GLYR1: variants seen among roughly 807,000 people sequenced by gnomAD.
GLYR1 encodes the protein cytokine-like nuclear factor N-PAC.
Under a neutral mutation model 72.7 loss-of-function variants are expected in GLYR1, and 21 were observed. The ratio of observed to expected loss-of-function variants is 0.29; its 90% CI spans 0.20 to 0.42. GLYR1 has a LOEUF of 0.42. Among genes scored for constraint, GLYR1 ranks in the 10% least tolerant of loss-of-function variants. GLYR1 has a pLI of 1.00. For synonymous variants in GLYR1, 392 were observed against 270.2 expected, an observed-to-expected ratio of 1.45 and a Z score of -4.42; for missense variants, 594 against 712.1, an observed-to-expected ratio of 0.83 and a Z score of 1.89.
At chr16:4,843,016 T>A (rs1161622608) in intron 3 of GLYR1, among the ~76,000 whole-genome samples, 1 of 152,128 alleles carries the variant, frequency 6.6e-6, no homozygotes, top group East Asian at 1.9e-4. Context: ...GTGCACATCA[T>A]CTTATCTGAA....
chr16:4,815,962 T>C (rs1343224347), intron 10 of GLYR1, among the ~76,000 whole-genome samples: 8 of 152,048 alleles, frequency 5.3e-5, no homozygotes, highest in Admixed American at 5.2e-4. Context: ...TTCGTATTTT[T>C]AGTAGAGACG....
chr16:4,814,418 G>A (rs1363884213), intron 11 of GLYR1, 119 bp downstream of exon 11: 1 of 754,404 alleles, frequency 1.3e-6, no homozygotes, highest in Non-Finnish European at 2.4e-6. Context: ...GGCCCCTGAT[G>A]GGAAATTCAG....
chr16:4,833,172 T>C (rs1406107391), intron 3 of GLYR1: 2 of 327,508 alleles, frequency 6.1e-6, no homozygotes, highest in African/African-American at 2.1e-5. Context: ...GAAAGCACTG[T>C]GTTGCAGATT....
At chr16:4,810,981 T>C (rs1050316338) in intron 15 of GLYR1, among the ~76,000 whole-genome samples, 189 bp downstream of exon 15, 2 of 151,616 alleles carry the variant, frequency 1.3e-5, no homozygotes, top group Non-Finnish European at 2.9e-5. Flanking sequence ...GGTGGGCACC[T>C]ATAATCCCAA....
intron 15 of GLYR1, among the ~76,000 whole-genome samples, chr16:4,810,370 G>A (rs1333855830): frequency 6.6e-6 from 1 of 151,636 alleles, no homozygotes; most frequent in Non-Finnish European, 1.5e-5. Context: ...GTTGGGGCAC[G>A]CCTGTAATCC....
At position 4,813,883 on chromosome 16, in the gene GLYR1, G is replaced by A. The variant is rs779296212; in HGVS notation, c.1018-45C>T. On this transcript the variant is annotated intron_variant, in intron 11 of 15. Transcript: ENST00000321919. Reference sequence around the variant, plus strand: ...AAGCAATAGCCCAGGCTCCCGGGCAGATGCTCAGGAGCCCTACAGACCTCA... The same window carrying A: ...AAGCAATAGCCCAGGCTCCCGGGCAAATGCTCAGGAGCCCTACAGACCTCA... The A allele has an allele frequency of 3.4e-6, 5 of 1,463,362 alleles. No homozygotes were observed. In the African/African-American group the frequency reaches 5.6e-5, roughly 16 times the overall value. The allele number at this position is 1,463,362 out of a possible 1,614,324, so 90.6% of individuals were successfully genotyped here.
chr16:4,816,131 T>C (rs1416240278), intron 10 of GLYR1, among the ~76,000 whole-genome samples: 1 of 152,148 alleles, frequency 6.6e-6, no homozygotes, highest in Non-Finnish European at 1.5e-5. Context: ...GTTTCCTCTT[T>C]TGTGAGCCAT....
chr16:4,814,822 T>C (rs904866653), intron 10 of GLYR1, among the ~76,000 whole-genome samples, 175 bp from the exon 11 acceptor site: 3 of 152,198 alleles, frequency 2.0e-5, no homozygotes, highest in African/African-American at 7.2e-5. Context: ...ACGGGGCCTT[T>C]TACTGGCCAT....
At chr16:4,843,415 A>G (rs1048628233) in intron 3 of GLYR1, 5 of 1,153,972 alleles carry the variant, frequency 4.3e-6, no homozygotes, top group African/African-American at 1.6e-5. Flanking sequence ...TTGGCCTCCC[A>G]AAGTACTGGG....
At chr16:4,841,777 GC>G (rs2085573539) in intron 3 of GLYR1, among the ~76,000 whole-genome samples, 1 of 152,086 alleles carries the variant, frequency 6.6e-6, no homozygotes, top group African/African-American at 2.4e-5. Context: ...TGAAGTTTGG[GC>G]CAACCATATT....
At chr16:4,833,805 C>A (rs1029551587) in intron 3 of GLYR1, among the ~76,000 whole-genome samples, 1 of 152,210 alleles carries the variant, frequency 6.6e-6, no homozygotes, top group African/African-American at 2.4e-5. Context: ...CTAACCTGAA[C>A]AAATCTGCTG....
At chr16:4,827,204 C>T (rs1277637153) in intron 5 of GLYR1, among the ~76,000 whole-genome samples, 1 of 152,228 alleles carries the variant, frequency 6.6e-6, no homozygotes, top group Admixed American at 6.5e-5. Context: ...TGGGCTTTGC[C>T]CAGTTATCAG....
intron 10 of GLYR1, among the ~76,000 whole-genome samples, chr16:4,815,582 A>G (rs192955474): frequency 2.0e-5 from 3 of 152,216 alleles, no homozygotes; most frequent in Non-Finnish European, 2.9e-5. Flanking sequence ...AATAGAATAA[A>G]ACAGGTTCTA....
intron 3 of GLYR1, chr16:4,839,624 G>T (rs572937652): frequency 6.6e-6 from 1 of 152,170 alleles, no homozygotes; most frequent in Admixed American, 6.5e-5. Flanking sequence ...AGCCGAATCC[G>T]TATAAAGAAG....
intron 10 of GLYR1, among the ~76,000 whole-genome samples, chr16:4,816,997 G>A (rs2083681265): frequency 6.6e-6 from 1 of 150,562 alleles, no homozygotes; most frequent in Admixed American, 6.6e-5. Flanking sequence ...AGGCTGGAGT[G>A]CAGTGACACG....
At chr16:4,828,076 A>G (rs764999393) in intron 5 of GLYR1, among the ~76,000 whole-genome samples, 1 of 150,732 alleles carries the variant, frequency 6.6e-6, no homozygotes, top group African/African-American at 2.4e-5. Flanking sequence ...ATGTATATAT[A>G]TATATTTTTT....
At chr16:4,809,746 A>G (rs776234294) in intron 15 of GLYR1, among the ~76,000 whole-genome samples, 5 of 152,036 alleles carry the variant, frequency 3.3e-5, no homozygotes, top group African/African-American at 4.8e-5. Flanking sequence ...CAACATGGTG[A>G]AACCTCATCT....
intron 11 of GLYR1, 127 bp downstream of exon 11, chr16:4,814,410 C>T: frequency 1.4e-6 from 1 of 722,390 alleles, no homozygotes; most frequent in Non-Finnish European, 2.5e-6. Flanking sequence ...TGGGAGATGG[C>T]CCCTGATGGG....
intron 7 of GLYR1, 176 bp from the exon 8 acceptor site, chr16:4,821,773 C>A: frequency 1.6e-6 from 1 of 635,524 alleles, no homozygotes; most frequent in Non-Finnish European, 2.8e-6. Flanking sequence ...TCATTCAAGT[C>A]CCCATGCAAT....
Sources: gnomAD v4.1 joint callset for allele counts (sites outside exome capture counted in the v4.1 genomes callset) on GRCh38, gnomAD v4.1.1 for gene constraint, MANE v1.5 for transcripts, NCBI Gene and HGNC (gene_info 2026-07-23, HGNC 2026-07-21) for gene names.